Variants in KDSR observed in about 807,000 individuals in gnomAD.
KDSR encodes 3-ketodihydrosphingosine reductase.
KDSR carries 23 observed loss-of-function variants against 41.3 expected under a neutral mutation model. The ratio of observed to expected loss-of-function variants is 0.56; its 90% CI spans 0.40 to 0.79. The LOEUF (loss-of-function observed/expected upper bound fraction) is 0.79, where lower values mean the gene tolerates loss of function less well. KDSR is among the 30% of genes least tolerant of loss of function. The pLI is 0.00. For synonymous variants in KDSR, 138 were observed against 151.7 expected (o/e 0.91, Z 0.66); for missense variants, 351 against 416.8 (o/e 0.84, Z 1.37).
chr18:63,338,403 G>C (rs900550422), intron 8 of KDSR, among the ~76,000 whole-genome samples: 10 of 152,214 alleles, frequency 6.6e-5, no homozygotes, highest in African/African-American at 2.4e-4. Flanking sequence ...CCACGGGGCT[G>C]GTGGCACTTT....
At position 63,350,927 on chromosome 18, in the gene KDSR, C is replaced by T. The variant is rs1282210928; in HGVS notation, c.570G>A (p.Lys190=). 1.7e-5 allele frequency: 27 copies of T among 1,613,802 alleles called. No individual in the cohort carries two copies. The highest frequency in any genetic ancestry group is 2.2e-5 in the Non-Finnish European group (26 of 1,179,898). ...CTTCTGCCAATCCCCTTATGGCAAA[C>T]TTGGATGCAGAGTAGGCTGTGAAAC... ...LFGFTAYSAS[K]FAIRGLAEAL... Residue 190 remains lysine (K), a synonymous_variant, in exon 6 of 10, where the codon AAG becomes AAA. Coordinates refer to ENST00000645214, the MANE Select transcript of KDSR (RefSeq NM_002035.4).
intron 7 of KDSR, among the ~76,000 whole-genome samples, chr18:63,341,073 C>T (rs1431503179): frequency 6.6e-6 from 1 of 152,006 alleles, no homozygotes; most frequent in East Asian, 1.9e-4. Flanking sequence ...TAGTAAACAG[C>T]TGAGAAGCTA....
intron 8 of KDSR, among the ~76,000 whole-genome samples, chr18:63,337,509 A>G (rs1914210229): frequency 6.6e-6 from 1 of 152,230 alleles, no homozygotes; most frequent in Non-Finnish European, 1.5e-5. Context: ...TAAATAAACA[A>G]AAGTTCTCTG....
chr18:63,342,563 C>A (rs921452899), intron 7 of KDSR, among the ~76,000 whole-genome samples: 1 of 152,146 alleles, frequency 6.6e-6, no homozygotes, highest in African/African-American at 2.4e-5. Flanking sequence ...AATTACAAAG[C>A]TAAGCAAATG....
chr18:63,340,142 T>A (rs574732722), intron 7 of KDSR, among the ~76,000 whole-genome samples: 40 of 152,216 alleles, frequency 2.6e-4, no homozygotes, highest in African/African-American at 9.4e-4. Flanking sequence ...TGCCCAAAAT[T>A]TTACTGAAAA....
At chr18:63,333,340 C>G (rs908533935) in intron 9 of KDSR, among the ~76,000 whole-genome samples, 2 of 152,190 alleles carry the variant, frequency 1.3e-5, no homozygotes, top group Non-Finnish European at 2.9e-5. Context: ...CCTGACTTGG[C>G]CTCCCAAAGT....
intron 3 of KDSR, 121 bp from the exon 4 acceptor site, chr18:63,355,684 T>C: frequency 7.5e-7 from 1 of 1,334,442 alleles, no homozygotes; most frequent in Non-Finnish European, 9.7e-7. Flanking sequence ...AATGAACAGA[T>C]TTCAGTGTTT....
In KDSR at chr18:63,330,324, C is replaced by T. The variant is rs756714765; in HGVS notation, c.*1458G>A. On this transcript the variant is annotated 3_prime_UTR_variant, in exon 10 of 10. Transcript: ENST00000645214. ...GATCTGGAATGTGCTACCGTATATG[C>T]AAGGAAGACAGGTTACAAGATCAAG... 68 of 222,694 alleles carry T rather than the reference C, an allele frequency of 3.1e-4. No individual in the cohort carries two copies. In the Middle Eastern group the frequency reaches 5.5e-3, roughly 18 times the overall value. 13.8% of individuals were successfully genotyped at this position (222,694 alleles called of 1,614,324 possible). A position where few individuals can be genotyped will look rare whatever the true frequency, so the allele number is the denominator to read the frequency against.
chr18:63,335,436 TG>T, intron 8 of KDSR, 78 bp from the exon 9 acceptor site: 11 of 957,822 alleles, frequency 1.1e-5, no homozygotes, highest in Middle Eastern at 3.0e-4. Flanking sequence ...TCAGAAACAG[TG>T]GAGTGTGCTC....
At chr18:63,332,534 G>A (rs928429091) in intron 9 of KDSR, among the ~76,000 whole-genome samples, 1 of 152,120 alleles carries the variant, frequency 6.6e-6, no homozygotes, top group Admixed American at 6.6e-5. Context: ...CCGTGCATAA[G>A]AGAATGGAAA....
intron 1 of KDSR, chr18:63,366,096 G>A (rs552619797): frequency 6.6e-6 from 1 of 152,162 alleles, no homozygotes; most frequent in African/African-American, 2.4e-5. Context: ...CTCGGGTTTG[G>A]GAGATCCAAA....
intron 8 of KDSR, among the ~76,000 whole-genome samples, chr18:63,337,551 G>A (rs968224877): frequency 1.3e-5 from 2 of 152,132 alleles, no homozygotes; most frequent in African/African-American, 4.8e-5. Flanking sequence ...AATGTAAAGT[G>A]GTCAAGAGAA....
chr18:63,346,956 A>C (rs1458247658), intron 6 of KDSR, among the ~76,000 whole-genome samples: 5 of 152,132 alleles, frequency 3.3e-5, no homozygotes, highest in Non-Finnish European at 7.4e-5. Context: ...TCATAAAAAA[A>C]AATGAGGGTA....
intron 8 of KDSR, among the ~76,000 whole-genome samples, chr18:63,336,174 C>T (rs567981608): frequency 4.6e-5 from 7 of 152,316 alleles, no homozygotes; most frequent in Non-Finnish European, 8.8e-5. Context: ...GGATTACAGG[C>T]ATGCACCACC....
rs982539738 is a variant in KDSR at position 63,353,639 on chromosome 18, TATC to T, written c.417+1562_417+1564del. On this transcript the variant is annotated intron_variant, in intron 5 of 9. Coordinates refer to ENST00000645214, the MANE Select transcript of KDSR (RefSeq NM_002035.4). ...AATGTGGTCGATCCATACAAAGGAA[TATC>T]ACCACCCTATAAAAAGGAATGAGGC... Among the ~76,000 whole-genome samples, 53 of 152,244 alleles carry T rather than the reference TATC, an allele frequency of 3.5e-4. 1 individual carries two copies. The highest frequency in any genetic ancestry group is 1.2e-3 in the African/African-American group (49 of 41,532).
chr18:63,357,594 A>ATATATTTT (rs1555715128), intron 3 of KDSR, among the ~76,000 whole-genome samples: 3 of 120,808 alleles, frequency 2.5e-5, no homozygotes, highest in Non-Finnish European at 4.8e-5. Context: ...ATATATATAT[A>ATATATTTT]TTTTTTTTTG....
rs1217412488 is a variant in KDSR, at chr18:63,329,654, C to T, written c.*2128G>A. On this transcript the variant is annotated 3_prime_UTR_variant, in exon 10 of 10. Coordinates refer to ENST00000645214, the MANE Select transcript of KDSR (RefSeq NM_002035.4). ...CTCAACAGGTGCTCTTAAATTTATT[C>T]GGGTAGTAGATTACCATCTCACTGG... 1.5e-5 allele frequency: 3 copies of T among 196,230 alleles called. No individual in the cohort carries two copies. The highest frequency in any genetic ancestry group is 6.1e-5 in the Admixed American group (1 of 16,446). The allele number at this position is 196,230 out of a possible 1,614,324, so 12.2% of individuals were successfully genotyped here.
chr18:63,340,725 T>C lies in KDSR; in HGVS notation c.694-1842A>G, dbSNP rs529210524. On this transcript the variant is annotated intron_variant, in intron 7 of 9. Transcript: ENST00000645214. ...CTGTTATAAGCTGTGATAAGTGCAA[T>C]GGAGACTCAAATCATCAGACCCCAA... is the stretch of plus-strand genomic sequence containing the variant. Among the ~76,000 whole-genome samples the C allele has an allele frequency of 3.9e-5, 6 of 152,342 alleles. No individual in the cohort carries two copies. In the South Asian group the frequency reaches 8.3e-4, roughly 21 times the overall value.
chr18:63,333,324 G>C (rs551975137), intron 9 of KDSR, among the ~76,000 whole-genome samples: 21 of 152,280 alleles, frequency 1.4e-4, no homozygotes, highest in Middle Eastern at 3.4e-3. Context: ...GAGCTCAAGC[G>C]ATCCTCCTGA....
Sources: allele counts gnomAD v4.1 joint callset (sites outside exome capture counted in the v4.1 genomes callset), GRCh38; gene constraint gnomAD v4.1.1; transcripts MANE v1.5; gene names NCBI Gene and HGNC (gene_info 2026-07-23, HGNC 2026-07-21).